The following SMKR1 variants were observed in gnomAD, a reference collection of about 807,000 sequenced individuals.
The protein encoded by SMKR1 is small lysine rich protein 1.
SMKR1 carries 4 observed loss-of-function variants against 4.0 expected under a neutral mutation model. That is an observed-to-expected ratio of 1.00 (90% CI 0.49 to 2.30). The LOEUF is 2.30. SMKR1 is among the 30% of genes most tolerant of loss of function. The probability of loss-of-function intolerance (pLI) is 0.02; values close to 1 mark genes in which losing one functional copy is unlikely to be tolerated. For synonymous variants in SMKR1, 38 were observed against 32.5 expected, an observed-to-expected ratio of 1.17 and a Z score of -0.58; for missense variants, 56 against 81.8, an observed-to-expected ratio of 0.68 and a Z score of 1.22.
Position 129,512,289 on chromosome 7 carries a change from G to A in SMKR1, c.46G>A (p.Gly16Arg), listed in dbSNP as rs1437768661. The A allele has an allele frequency of 1.3e-6, 2 of 1,535,192 alleles. No homozygotes were observed. The highest frequency in any genetic ancestry group is 2.4e-5 in the South Asian group (2 of 83,832). ...KKGKGQGKSHGKKQKKPEVDI... is the reference protein window; with the variant it reads ...KKGKGQGKSHRKKQKKPEVDI... ...AGGAAAAGGCCAGGGCAAGTCTCAT[G>A]GGAAGAAACAGAAGAAACCAGAAGT... Residue 16 changes from glycine (G) to arginine (R), a missense_variant, in exon 2 of 2, where the codon GGG becomes AGG. Transcript: ENST00000462322.
At chr7:129,506,188 C>G (rs913124512) in intron 1 of SMKR1, among the ~76,000 whole-genome samples, 3 of 152,034 alleles carry the variant, frequency 2.0e-5, no homozygotes, top group Non-Finnish European at 2.9e-5. Flanking sequence ...GCCTGTAAAC[C>G]CAGAATTTTG....
chr7:129,506,053 A>T lies in SMKR1; in HGVS notation c.3+3226A>T, dbSNP rs1041998570. Among the ~76,000 whole-genome samples, 6 of 152,304 alleles carry T rather than the reference A, an allele frequency of 3.9e-5. No homozygotes were observed. In the South Asian group the frequency reaches 1.2e-3, roughly 32 times the overall value. ...TGTATTGAACCAATCCAAGGAATGG[A>T]TGGGCCCAGAAACAAAACCTTTATT... is the stretch of plus-strand genomic sequence containing the variant. On this transcript the variant is annotated intron_variant, in intron 1 of 1. Coordinates refer to ENST00000462322, the MANE Select transcript of SMKR1 (RefSeq NM_001195243.2).
intron 1 of SMKR1, among the ~76,000 whole-genome samples, chr7:129,506,129 C>T (rs1799462494): frequency 6.6e-6 from 1 of 152,218 alleles, no homozygotes; most frequent in South Asian, 2.1e-4. Context: ...AATGTATATA[C>T]AATAAATTTT....
rs1342566058 is a variant in SMKR1 at position 129,502,766 on chromosome 7, G to A, written c.-59G>A. On this transcript the variant is annotated 5_prime_UTR_variant, in exon 1 of 2. The change abolishes an upstream ATG in the 5' untranslated region. Coordinates refer to ENST00000462322, the MANE Select transcript of SMKR1 (RefSeq NM_001195243.2). The stretch of plus-strand genomic sequence containing the variant: ...GCTGGGGGCAGCGGCCCCGGTGGAT[G>A]CTAAGGGCTTCGGGATCGGGAGAGT... The A allele has an allele frequency of 3.3e-6, 5 of 1,534,806 alleles. No homozygotes were observed. Among genetic ancestry groups the A allele is most frequent in the Non-Finnish European group, 4.4e-6 (5 of 1,146,514 alleles).
intron 1 of SMKR1, among the ~76,000 whole-genome samples, chr7:129,506,052 G>A (rs1799461736): frequency 6.6e-6 from 1 of 152,198 alleles, no homozygotes. Context: ...CCAAGGAATG[G>A]ATGGGCCCAG....
chr7:129,504,520 A>C (rs891275545), intron 1 of SMKR1, among the ~76,000 whole-genome samples: 4 of 150,924 alleles, frequency 2.7e-5, no homozygotes, highest in Non-Finnish European at 5.9e-5. Flanking sequence ...TGTTATAGGC[A>C]TTATAGGGTC....
intron 1 of SMKR1, among the ~76,000 whole-genome samples, chr7:129,506,827 C>T (rs1456327759): frequency 2.0e-5 from 3 of 151,108 alleles, no homozygotes; most frequent in Non-Finnish European, 2.9e-5. Context: ...TATCCATTCG[C>T]CTGCTGATGG....
At chr7:129,505,349 C>G (rs1056688564) in intron 1 of SMKR1, among the ~76,000 whole-genome samples, 2 of 152,122 alleles carry the variant, frequency 1.3e-5, no homozygotes, top group Admixed American at 1.3e-4. Flanking sequence ...TGTCCCTAGC[C>G]TGGGACAGTC....
chr7:129,508,882 T>G (rs1173500461), intron 1 of SMKR1, among the ~76,000 whole-genome samples: 1 of 152,252 alleles, frequency 6.6e-6, no homozygotes, highest in Non-Finnish European at 1.5e-5. Context: ...GTTTGCCAAT[T>G]TTTTACAATA....
rs1489194663 is a variant in SMKR1 at position 129,512,255 on chromosome 7, AG to A, written c.15del (p.Gly8GlufsTer26). ...ATATTTGTCTTTGAAAGCCAGCTAA[AG>A]GGAAAAAAGGAAAAGGCCAGGGCAA... Reference protein sequence around the residue: MPAKGKKGKGQGKSH... With the variant: MPAKXKKGKGQGKSH... On this transcript the variant is annotated frameshift_variant, in exon 2 of 2. Transcript: ENST00000462322. LOFTEE classifies it high-confidence loss of function. The A allele has an allele frequency of 1.3e-6, 2 of 1,507,446 alleles. No homozygotes were observed. The highest frequency in any genetic ancestry group is 2.8e-5 in the African/African-American group (2 of 70,996). 93.4% of individuals were successfully genotyped at this position (1,507,446 alleles called of 1,614,324 possible). A position where few individuals can be genotyped will look rare whatever the true frequency, so the allele number is the denominator to read the frequency against.
rs1035778852 is a variant in SMKR1 at position 129,512,829 on chromosome 7, A to T, written c.*388A>T. 6.2e-6 allele frequency: 1 copy of T among 160,598 alleles called. No homozygotes were observed. Among genetic ancestry groups the T allele is most frequent in the Non-Finnish European group, 1.3e-5 (1 of 74,226 alleles). The allele number at this position is 160,598 out of a possible 1,614,324, so 9.9% of individuals were successfully genotyped here. A position where few individuals can be genotyped will look rare whatever the true frequency, so the allele number is the denominator to read the frequency against. On this transcript the variant is annotated 3_prime_UTR_variant, in exon 2 of 2. Transcript: ENST00000462322. ...GTCATTTAGAGAAGACACGGCAAGAAACACTGGGTTTCCTTAGGAACATTC... is the reference window on the plus strand; with the variant it reads ...GTCATTTAGAGAAGACACGGCAAGATACACTGGGTTTCCTTAGGAACATTC...
chr7:129,509,645 A>G (rs1243177403), intron 1 of SMKR1, among the ~76,000 whole-genome samples: 2 of 151,544 alleles, frequency 1.3e-5, no homozygotes, highest in Admixed American at 6.6e-5. Context: ...GGTTCAAGAG[A>G]TTTTCCTGCC....
rs183604155 is a variant in SMKR1 at position 129,504,328 on chromosome 7, A to G, written c.3+1501A>G. Among the ~76,000 whole-genome samples, 28 of 152,214 alleles carry G rather than the reference A, an allele frequency of 1.8e-4. No individual in the cohort carries two copies. The East Asian group carries it at 3.7e-3, about 20-fold the overall frequency. ...CCCCTTGGCTGCCTGTGGGCTGGCC[A>G]TGTTGGCCTTTTTTGGGTTTCCGTC... On this transcript the variant is annotated intron_variant, in intron 1 of 1. Coordinates refer to ENST00000462322, the MANE Select transcript of SMKR1 (RefSeq NM_001195243.2).
chr7:129,506,427 G>T (rs1471833960), intron 1 of SMKR1, among the ~76,000 whole-genome samples: 3 of 152,160 alleles, frequency 2.0e-5, no homozygotes, highest in African/African-American at 4.8e-5. Context: ...GGGCAACAGA[G>T]TGAGACCTGT....
intron 1 of SMKR1, among the ~76,000 whole-genome samples, chr7:129,503,592 A>G (rs886422322): frequency 2.0e-5 from 3 of 152,152 alleles, no homozygotes; most frequent in African/African-American, 7.2e-5. Flanking sequence ...TGAGGCTTGG[A>G]TCAGAAGGAC....
chr7:129,512,343 A>C lies in SMKR1; in HGVS notation c.100A>C (p.Asn34His). 6.5e-7 allele frequency: 1 copy of C among 1,536,108 alleles called. No homozygotes were observed. The highest frequency in any genetic ancestry group is 8.7e-7 in the Non-Finnish European group (1 of 1,146,890). Reference protein sequence around the residue: ...VDILSPAAMLNLYYIAHNVAD... With the variant: ...VDILSPAAMLHLYYIAHNVAD... The stretch of plus-strand genomic sequence containing the variant: ...CATTCTCAGCCCCGCGGCCATGCTG[A>C]ACCTCTACTACATCGCCCACAACGT... Residue 34 changes from asparagine to histidine, a missense_variant, in exon 2 of 2, where the codon AAC becomes CAC. Transcript: ENST00000462322.
chr7:129,512,500 A>G lies in SMKR1; in HGVS notation c.*59A>G, dbSNP rs991386578. Reference sequence around the variant, plus strand: ...CAGGACCTGGGGAAGAGAAGTCAGGATAACACAACTGTTGCCAGCAACATA... The same window carrying G: ...CAGGACCTGGGGAAGAGAAGTCAGGGTAACACAACTGTTGCCAGCAACATA... On this transcript the variant is annotated 3_prime_UTR_variant, in exon 2 of 2. Transcript: ENST00000462322. 7.0e-5 allele frequency: 102 copies of G among 1,449,708 alleles called. 1 individual carries two copies. Among genetic ancestry groups the G allele is most frequent in the Non-Finnish European group, 6.4e-6 (7 of 1,100,686 alleles). The allele number at this position is 1,449,708 out of a possible 1,614,324, so 89.8% of individuals were successfully genotyped here.
intron 1 of SMKR1, among the ~76,000 whole-genome samples, chr7:129,507,736 A>G (rs2065698483): frequency 6.6e-6 from 1 of 152,190 alleles, no homozygotes; most frequent in Non-Finnish European, 1.5e-5. Context: ...ATGTGGTGGT[A>G]TCTCCTGGTT....
intron 1 of SMKR1, among the ~76,000 whole-genome samples, chr7:129,508,756 C>G (rs572142238): frequency 1.3e-5 from 2 of 152,278 alleles, no homozygotes; most frequent in East Asian, 3.9e-4. Flanking sequence ...TTCTTTTTTC[C>G]TAAGTCCGCT....
Sources: gnomAD v4.1 joint callset for allele counts (sites outside exome capture counted in the v4.1 genomes callset) on GRCh38, gnomAD v4.1.1 for gene constraint, MANE v1.5 for transcripts, NCBI Gene and HGNC (gene_info 2026-07-23, HGNC 2026-07-21) for gene names.